Variants in P2RX7 observed in about 807,000 individuals in gnomAD.
P2RX7 encodes the protein purinergic receptor P2X 7, also known as P2X purinoceptor 7.
A neutral mutation model predicts 71.6 loss-of-function variants in P2RX7; 62 were observed. That is an observed-to-expected ratio of 0.87 (90% CI 0.71 to 1.07). The LOEUF is 1.07. Ranked by LOEUF, P2RX7 falls within the 50% of genes least tolerant of loss-of-function variation. The pLI, the probability that P2RX7 is intolerant of heterozygous loss-of-function variation, is 0.00. For missense variants in P2RX7, 686 were observed against 748.5 expected, an observed-to-expected ratio of 0.92 and a Z score of 0.97; for synonymous variants, 299 against 283.3, an observed-to-expected ratio of 1.06 and a Z score of -0.56.
At chr12:121,135,686 G>A (rs1873382593) in intron 1 of P2RX7, among the ~76,000 whole-genome samples, 1 of 151,794 alleles carries the variant, frequency 6.6e-6, no homozygotes, top group Non-Finnish European at 1.5e-5. Context: ...TATGTTTACT[G>A]TTCAACAAAT....
At chr12:121,139,932 A>G (rs1874496603) in intron 1 of P2RX7, among the ~76,000 whole-genome samples, 1 of 152,088 alleles carries the variant, frequency 6.6e-6, no homozygotes, top group African/African-American at 2.4e-5. Context: ...GGGTTCTGCT[A>G]TGTTGGCTAG....
intron 8 of P2RX7, among the ~76,000 whole-genome samples, chr12:121,168,991 G>A (rs1241832795): frequency 6.6e-6 from 1 of 151,728 alleles, no homozygotes; most frequent in East Asian, 1.9e-4. Context: ...CTGAGACAGA[G>A]TCTCACTCTG....
At chr12:121,156,806 C>G (rs964318201) in intron 3 of P2RX7, among the ~76,000 whole-genome samples, 1 of 152,208 alleles carries the variant, frequency 6.6e-6, no homozygotes, top group Non-Finnish European at 1.5e-5. Context: ...TGGCTTTGCT[C>G]TCTCCAAAGA....
chr12:121,146,480 C>T (rs753164336), intron 1 of P2RX7, among the ~76,000 whole-genome samples: 3 of 151,466 alleles, frequency 2.0e-5, no homozygotes, highest in South Asian at 2.1e-4. Context: ...TTAGTAGAGA[C>T]GGGGTTTCAC....
intron 11 of P2RX7, among the ~76,000 whole-genome samples, chr12:121,178,378 T>C (rs1883514028): frequency 6.6e-6 from 1 of 152,276 alleles, no homozygotes; most frequent in East Asian, 1.9e-4. Flanking sequence ...ATGGCAAACA[T>C]TTACACAGCA....
rs756595332 is a variant in P2RX7, at chr12:121,184,840, T to C, written c.*38T>C. 25 of 1,466,782 alleles carry C rather than the reference T, an allele frequency of 1.7e-5. No individual in the cohort carries two copies. Among genetic ancestry groups the C allele is most frequent in the Non-Finnish European group, 2.1e-5 (23 of 1,091,778 alleles). 90.9% of individuals were successfully genotyped at this position (1,466,782 alleles called of 1,614,324 possible). ...TGGCTCACGTCTGTAATCCCAGCGC[T>C]TTGGGAGGCCGAGGCAGGCAGATCA... On this transcript the variant is annotated 3_prime_UTR_variant, in exon 13 of 13. Transcript: ENST00000328963.
intron 12 of P2RX7, among the ~76,000 whole-genome samples, chr12:121,182,579 A>G (rs902520525): frequency 6.6e-6 from 1 of 152,214 alleles, no homozygotes; most frequent in Non-Finnish European, 1.5e-5. Context: ...CTAAATATAG[A>G]AAAGGTACAG....
In P2RX7 at chr12:121,154,844, A is replaced by T; in HGVS notation, c.185A>T (p.His62Leu). The change falls in exon 2 of 13, where the codon CAC becomes CTC. Residue 62 changes from histidine (H) to leucine (L), a missense_variant. Transcript: ENST00000328963. This position sits in a 1 kb window ranked among gnomAD's most constrained non-coding sequence, Gnocchi z 4.2. ...AAAGAGCCTGTCATCAGTTCTGTGC[A>T]CACCAAGGTGAAGGGGATAGCAGAG... ...QRKEPVISSV[H>L]TKVKGIAEVK... 1 of 1,614,212 alleles carries T rather than the reference A, an allele frequency of 6.2e-7. No homozygotes were observed. The highest frequency in any genetic ancestry group is 2.2e-5 in the East Asian group (1 of 44,882).
chr12:121,184,412 G>A lies in P2RX7; in HGVS notation c.1398G>A (p.Ala466=), dbSNP rs767827256. The change falls in exon 13 of 13, where the codon GCG becomes GCA. Residue 466 remains alanine, a synonymous_variant. Transcript: ENST00000328963. ...AGATACAGCTGCTTAGAAAGGAGGC[G>A]ACTCCTAGATCCAGGGATAGCCCCG... is the stretch of plus-strand genomic sequence containing the variant. ...PEEIQLLRKE[A]TPRSRDSPVW... The A allele has an allele frequency of 1.5e-5, 25 of 1,614,000 alleles. No homozygotes were observed. Among genetic ancestry groups the A allele is most frequent in the South Asian group, 3.3e-5 (3 of 91,072 alleles).
At chr12:121,162,379 C>A (rs1271947498) in intron 4 of P2RX7, 45 bp from the exon 5 acceptor site, 1 of 1,610,698 alleles carries the variant, frequency 6.2e-7, no homozygotes, top group Non-Finnish European at 8.5e-7. Flanking sequence ...GTCCTCTCCG[C>A]AGTTCTTTCA....
rs574795291 is a variant in P2RX7 at position 121,155,745 on chromosome 12, G to A, written c.295-334G>A. On this transcript the variant is annotated intron_variant, in intron 2 of 12. Transcript: ENST00000328963. ...TGATGAAGGCTGCTCCCCTACCCTC[G>A]CCTCCCCAGGTCTCCTGAGTTTCAA... is the stretch of plus-strand genomic sequence containing the variant. Among the ~76,000 whole-genome samples the A allele has an allele frequency of 7.9e-5, 12 of 151,744 alleles. 1 individual carries two copies. Among genetic ancestry groups the A allele is most frequent in the Non-Finnish European group, 1.2e-4 (8 of 67,948 alleles).
In P2RX7 at chr12:121,167,531, A is replaced by T; in HGVS notation, c.788A>T (p.Asp263Val). 6.2e-7 allele frequency: 1 copy of T among 1,613,784 alleles called. No individual in the cohort carries two copies. The highest frequency in any genetic ancestry group is 1.1e-5 in the South Asian group (1 of 91,052). The change falls in exon 8 of 13, where the codon GAC becomes GTC. Residue 263 changes from aspartate (D) to valine (V), a missense_variant. Asp to Val is a radical substitution (Grantham distance 152). Coordinates refer to ENST00000328963, the MANE Select transcript of P2RX7 (RefSeq NM_002562.6). ...GIEIYWDCNL[D>V]RWFHHCRPKY... ...GAGATCTACTGGGACTGCAACCTAG[A>T]CCGTTGGTTCCATCACTGCCGTCCC...
intron 2 of P2RX7, chr12:121,155,204 A>G (rs1335240701): frequency 3.2e-5 from 47 of 1,457,002 alleles, no homozygotes; most frequent in Non-Finnish European, 4.1e-5. Flanking sequence ...TGAAAACAGG[A>G]TTTGATTCAC....
At chr12:121,169,659 A>G (rs1221263919) in intron 8 of P2RX7, among the ~76,000 whole-genome samples, 1 of 152,140 alleles carries the variant, frequency 6.6e-6, no homozygotes, top group Non-Finnish European at 1.5e-5. Flanking sequence ...TAATCCCAGC[A>G]CTTTGGGAGG....
In P2RX7 at chr12:121,184,334, C is replaced by T; in HGVS notation, c.1320C>T (p.Ser440=). 1 of 1,612,094 alleles carries T rather than the reference C, an allele frequency of 6.2e-7. No individual in the cohort carries two copies. The highest frequency in any genetic ancestry group is 1.1e-5 in the South Asian group (1 of 90,930). The change falls in exon 13 of 13, where the codon TCC becomes TCT. Residue 440 remains serine, a synonymous_variant. Transcript: ENST00000328963. ...CTGCGATGGACTTCACAGATTTGTC[C>T]AGGCTGCCCCTGGCCCTCCATGACA... ...PRPAMDFTDL[S]RLPLALHDTP... is the part of the protein sequence containing the mutation.
At chr12:121,142,408 C>CTA (rs1455766743) in intron 1 of P2RX7, among the ~76,000 whole-genome samples, 1 of 152,180 alleles carries the variant, frequency 6.6e-6, no homozygotes, top group African/African-American at 2.4e-5. Context: ...TCCAAGCCTG[C>CTA]TATGACACAA....
intron 1 of P2RX7, among the ~76,000 whole-genome samples, chr12:121,139,460 C>G (rs552052343): frequency 1.1e-4 from 16 of 152,364 alleles, no homozygotes; most frequent in African/African-American, 3.1e-4. Flanking sequence ...ACTGCCCAGT[C>G]AGCCTCCACT....
At chr12:121,183,150 C>G (rs1340670874) in intron 12 of P2RX7, among the ~76,000 whole-genome samples, 1 of 150,688 alleles carries the variant, frequency 6.6e-6, no homozygotes, top group Admixed American at 6.6e-5. Flanking sequence ...GCACTCCAGC[C>G]TGGGCGACAG....
At chr12:121,162,911 G>A (rs1372564442) in intron 5 of P2RX7, among the ~76,000 whole-genome samples, 27 of 151,994 alleles carry the variant, frequency 1.8e-4, no homozygotes, top group Non-Finnish European at 5.9e-5. Context: ...GAGATGGAAG[G>A]GAAGGACGAA....
Sources: allele counts gnomAD v4.1 joint callset (sites outside exome capture counted in the v4.1 genomes callset), GRCh38; gene constraint gnomAD v4.1.1; non-coding constraint Gnocchi (gnomAD v3.1); transcripts MANE v1.5; gene names NCBI Gene and HGNC (gene_info 2026-07-23, HGNC 2026-07-21).